PLAC8: variants seen among roughly 807,000 people sequenced by gnomAD.
PLAC8 encodes placenta-specific gene 8 protein.
In PLAC8, 6 loss-of-function variants were observed where a neutral mutation model predicts 12.6. The observed-to-expected ratio is 0.48, with a 90% CI of 0.26 to 0.94. The LOEUF is 0.94. PLAC8 is among the 40% of genes least tolerant of loss of function. PLAC8 has a pLI of 0.14. For synonymous variants in PLAC8, 54 were observed against 52.6 expected (o/e 1.03, Z -0.11); for missense variants, 122 against 152.7 (o/e 0.80, Z 1.06).
intron 3 of PLAC8, among the ~76,000 whole-genome samples, chr4:83,097,838 G>A (rs1435809500): frequency 6.7e-6 from 1 of 149,072 alleles, no homozygotes; most frequent in African/African-American, 2.5e-5. Context: ...TAAACGGAAT[G>A]TAATTTTGTC....
At chr4:83,092,437 T>C (rs539909444) in intron 4 of PLAC8, among the ~76,000 whole-genome samples, 1 of 152,298 alleles carries the variant, frequency 6.6e-6, no homozygotes, top group East Asian at 1.9e-4. Context: ...TCTTGCTATG[T>C]TGCCCAGGCT....
chr4:83,094,655 G>T, intron 4 of PLAC8, 23 bp downstream of exon 4: 1 of 1,206,118 alleles, frequency 8.3e-7, no homozygotes, highest in African/African-American at 1.5e-5. Flanking sequence ...CATGTTCTGA[G>T]AGGCATGTTT....
intron 3 of PLAC8, among the ~76,000 whole-genome samples, chr4:83,099,376 G>T (rs1732026322): frequency 6.6e-6 from 1 of 151,974 alleles, no homozygotes; most frequent in Admixed American, 6.6e-5. Flanking sequence ...TTTTCCAATA[G>T]CGTGTGCTCA....
At chr4:83,095,492 G>C (rs990860043) in intron 3 of PLAC8, among the ~76,000 whole-genome samples, 2 of 152,106 alleles carry the variant, frequency 1.3e-5, no homozygotes, top group East Asian at 3.8e-4. Context: ...ATATGACTCA[G>C]CTCTGAAGTT....
At chr4:83,096,347 G>C (rs894185305) in intron 3 of PLAC8, among the ~76,000 whole-genome samples, 1 of 152,074 alleles carries the variant, frequency 6.6e-6, no homozygotes, top group Non-Finnish European at 1.5e-5. Context: ...ATGCTCAGCT[G>C]CACCTAGCTG....
chr4:83,100,280 C>CTAA (rs1732063086), intron 3 of PLAC8, among the ~76,000 whole-genome samples: 4 of 121,396 alleles, frequency 3.3e-5, no homozygotes, highest in African/African-American at 1.2e-4. Context: ...GACTCCATCT[C>CTAA]AAAAAAAAAA....
chr4:83,099,773 G>A (rs1230903146), intron 3 of PLAC8, among the ~76,000 whole-genome samples: 1 of 151,556 alleles, frequency 6.6e-6, no homozygotes, highest in South Asian at 2.1e-4. Context: ...CAAGGCAGGC[G>A]GATCACAGGG....
At chr4:83,103,058 C>G (rs1732145282) in intron 3 of PLAC8, among the ~76,000 whole-genome samples, 1 of 146,896 alleles carries the variant, frequency 6.8e-6, no homozygotes. Context: ...TGCACTCCAG[C>G]CTGGGTGACA....
chr4:83,103,388 C>G (rs1451862411), intron 3 of PLAC8, among the ~76,000 whole-genome samples: 1 of 152,038 alleles, frequency 6.6e-6, no homozygotes, highest in Non-Finnish European at 1.5e-5. Context: ...AGTGAGACTC[C>G]ATCTCAACAA....
intron 2 of PLAC8, among the ~76,000 whole-genome samples, chr4:83,106,036 G>A (rs1732231187): frequency 6.6e-6 from 1 of 150,970 alleles, no homozygotes; most frequent in African/African-American, 2.4e-5. Context: ...ATTTATTTTT[G>A]AGATGCAGCC....
intron 1 of PLAC8, among the ~76,000 whole-genome samples, chr4:83,112,886 A>C (rs1217685040): frequency 6.6e-6 from 1 of 152,230 alleles, no homozygotes; most frequent in African/African-American, 2.4e-5. Context: ...CAATAAGTGG[A>C]GAGAAAACGT....
chr4:83,102,129 CT>C (rs1732114951), intron 3 of PLAC8, among the ~76,000 whole-genome samples: 1 of 151,800 alleles, frequency 6.6e-6, no homozygotes, highest in South Asian at 2.1e-4. Context: ...AAAAAAAACA[CT>C]TTTGAAGGCT....
At chr4:83,103,101 A>G (rs1247462879) in intron 3 of PLAC8, among the ~76,000 whole-genome samples, 1 of 130,754 alleles carries the variant, frequency 7.6e-6, no homozygotes, top group Non-Finnish European at 1.6e-5. Context: ...AAAAAAAAGA[A>G]AGCTATTTCT....
chr4:83,103,600 A>C (rs1732163528), intron 3 of PLAC8, among the ~76,000 whole-genome samples: 1 of 152,204 alleles, frequency 6.6e-6, no homozygotes, highest in South Asian at 2.1e-4. Flanking sequence ...ATAGCATAGA[A>C]ATCTTTCCTT....
intron 2 of PLAC8, among the ~76,000 whole-genome samples, chr4:83,107,347 C>G (rs544196268): frequency 6.6e-6 from 1 of 151,622 alleles, no homozygotes; most frequent in Non-Finnish European, 1.5e-5. Flanking sequence ...TTTCTCTGAA[C>G]GCATATGGAA....
At chr4:83,094,521 A>G (rs142763136) in intron 4 of PLAC8, 157 bp downstream of exon 4, 10 of 557,924 alleles carry the variant, frequency 1.8e-5, no homozygotes, top group Non-Finnish European at 3.2e-5. Flanking sequence ...TCTTCATAAG[A>G]AGAAAATTAA....
intron 1 of PLAC8, 126 bp from the exon 2 acceptor site, chr4:83,108,076 G>A (rs1732306500): frequency 4.4e-6 from 1 of 224,760 alleles, no homozygotes; most frequent in Non-Finnish European, 9.7e-6. Flanking sequence ...CATGGCACAT[G>A]TATACATATG....
intron 2 of PLAC8, among the ~76,000 whole-genome samples, chr4:83,106,154 C>A (rs925037594): frequency 6.6e-6 from 1 of 151,966 alleles, no homozygotes; most frequent in Non-Finnish European, 1.5e-5. Context: ...CACCCACCAC[C>A]ATGCCCGGTT....
At position 83,094,785 on chromosome 4, in the gene PLAC8, T is replaced by C. The variant is rs369865669; in HGVS notation, c.250A>G (p.Ile84Val). ...YRTRYGIPGSICDDYMATLCC... is the reference protein window; with the variant it reads ...YRTRYGIPGSVCDDYMATLCC... ...AGAGTTGCCATATAGTCATCACAAA[T>C]AGATCCCTGTTTGAAAACCAAAAAG... The change falls in exon 4 of 5, where the codon ATT (isoleucine) becomes GTT (valine). Residue 84 changes from isoleucine (I) to valine (V), a missense_variant. By Grantham distance (29) the Ile-to-Val change is conservative (BLOSUM62 3). Transcript: ENST00000311507. 1.2e-5 allele frequency: 19 copies of C among 1,553,298 alleles called. No homozygotes were observed. Among genetic ancestry groups the C allele is most frequent in the Admixed American group, 3.9e-5 (2 of 51,192 alleles).
Sources: gnomAD v4.1 joint callset for allele counts (sites outside exome capture counted in the v4.1 genomes callset) on GRCh38, gnomAD v4.1.1 for gene constraint, MANE v1.5 for transcripts, NCBI Gene and HGNC (gene_info 2026-07-23, HGNC 2026-07-21) for gene names.